Variants in ADAMTS18 observed in about 807,000 individuals in gnomAD.
ADAMTS18 encodes the protein A disintegrin and metalloproteinase with thrombospondin motifs 18.
ADAMTS18 carries 157 observed loss-of-function variants against 165.9 expected under a neutral mutation model. The observed-to-expected ratio is 0.95, with a 90% CI of 0.83 to 1.08. ADAMTS18 has a LOEUF of 1.08. ADAMTS18 is among the 50% of genes least tolerant of loss of function. The pLI is 0.00. For synonymous variants in ADAMTS18, 782 were observed against 578.2 expected (o/e 1.35, Z -5.06); for missense variants, 2,040 against 1,534.0 (o/e 1.33, Z -5.51).
intron 3 of ADAMTS18, among the ~76,000 whole-genome samples, chr16:77,385,748 C>T (rs1200265654): frequency 6.6e-6 from 1 of 152,170 alleles, no homozygotes. Context: ...ACTTCCCAAG[C>T]TCTCCCAGGG....
At chr16:77,396,786 G>C (rs2057262968) in intron 3 of ADAMTS18, among the ~76,000 whole-genome samples, 1 of 150,628 alleles carries the variant, frequency 6.6e-6, no homozygotes, top group African/African-American at 2.4e-5. Context: ...CTAAACAAGT[G>C]CCAGTCTTCA....
At chr16:77,332,713 T>C (rs1039821707) in intron 12 of ADAMTS18, among the ~76,000 whole-genome samples, 2 of 152,088 alleles carry the variant, frequency 1.3e-5, no homozygotes, top group Non-Finnish European at 2.9e-5. Flanking sequence ...TAAAACCACC[T>C]TCATGTGCAC....
At chr16:77,353,643 G>C in intron 10 of ADAMTS18, 90 bp downstream of exon 10, 1 of 1,577,488 alleles carries the variant, frequency 6.3e-7, no homozygotes, top group Non-Finnish European at 8.7e-7. Flanking sequence ...CTAACCCTTG[G>C]CCTTGGCAAA....
intron 6 of ADAMTS18, among the ~76,000 whole-genome samples, chr16:77,363,261 A>C (rs1466779503): frequency 6.6e-6 from 1 of 152,170 alleles, no homozygotes; most frequent in Non-Finnish European, 1.5e-5. Flanking sequence ...TACTGTGATC[A>C]ATCCAAGGAC....
intron 3 of ADAMTS18, among the ~76,000 whole-genome samples, chr16:77,425,750 G>C (rs2057663320): frequency 6.6e-6 from 1 of 152,142 alleles, no homozygotes; most frequent in South Asian, 2.1e-4. Context: ...GGTTCAAAAA[G>C]AGGAGGAGTG....
intron 3 of ADAMTS18, among the ~76,000 whole-genome samples, chr16:77,389,580 C>G (rs1008662252): frequency 1.3e-5 from 2 of 152,112 alleles, no homozygotes; most frequent in Non-Finnish European, 2.9e-5. Context: ...CAGTTTCTTA[C>G]CAGGAAGACC....
intron 3 of ADAMTS18, among the ~76,000 whole-genome samples, chr16:77,389,758 C>T (rs2057160470): frequency 6.6e-6 from 1 of 152,100 alleles, no homozygotes; most frequent in Non-Finnish European, 1.5e-5. Context: ...GAAGGAACTC[C>T]ATGTGAGGGA....
chr16:77,348,624 G>A (rs1382590701), intron 10 of ADAMTS18, among the ~76,000 whole-genome samples: 1 of 152,196 alleles, frequency 6.6e-6, no homozygotes, highest in African/African-American at 2.4e-5. Flanking sequence ...AAGTGGGAGT[G>A]CTAAAACATG....
chr16:77,426,198 T>C (rs1017410526), intron 3 of ADAMTS18, among the ~76,000 whole-genome samples: 2 of 152,224 alleles, frequency 1.3e-5, no homozygotes, highest in Admixed American at 6.5e-5. Flanking sequence ...CCTCTAAATT[T>C]TCCCTAACTT....
At chr16:77,336,439 T>C (rs931772317) in intron 11 of ADAMTS18, among the ~76,000 whole-genome samples, 4 of 152,224 alleles carry the variant, frequency 2.6e-5, no homozygotes, top group Non-Finnish European at 5.9e-5. Context: ...ACATACATTA[T>C]ATTTTTGCTT....
intron 12 of ADAMTS18, among the ~76,000 whole-genome samples, chr16:77,330,760 ATCAT>A (rs2056175504): frequency 6.6e-6 from 1 of 152,246 alleles, no homozygotes; most frequent in Non-Finnish European, 1.5e-5. Context: ...TCAGCCAAGA[ATCAT>A]TCATTTTTCA....
At chr16:77,327,911 A>G (rs925356399) in intron 12 of ADAMTS18, among the ~76,000 whole-genome samples, 8 of 152,166 alleles carry the variant, frequency 5.3e-5, no homozygotes, top group African/African-American at 1.4e-4. Flanking sequence ...GCTCTCCCCA[A>G]TCCAGCTGTC....
chr16:77,337,274 T>G (rs536085797), intron 11 of ADAMTS18, among the ~76,000 whole-genome samples: 18 of 152,324 alleles, frequency 1.2e-4, no homozygotes, highest in African/African-American at 3.8e-4. Context: ...TCACGAGGAC[T>G]CTACTGGACT....
intron 16 of ADAMTS18, among the ~76,000 whole-genome samples, chr16:77,312,068 A>G (rs2055791838): frequency 6.6e-6 from 1 of 152,086 alleles, no homozygotes; most frequent in Non-Finnish European, 1.5e-5. Flanking sequence ...TTATGATTTT[A>G]TTTAGATCTA....
At position 77,291,294 on chromosome 16, in the gene ADAMTS18, G is replaced by A. The variant is rs751275200; in HGVS notation, c.3374C>T (p.Ala1125Val). 6.2e-7 allele frequency: 1 copy of A among 1,614,148 alleles called. No individual in the cohort carries two copies. Among genetic ancestry groups the A allele is most frequent in the South Asian group, 1.1e-5 (1 of 91,086 alleles). Residue 1125 changes from alanine (A) to valine (V), a missense_variant, in exon 21 of 23, where the codon GCT (alanine) becomes GTT (valine). By Grantham distance (64) the Ala-to-Val change is moderately conservative. Coordinates refer to ENST00000282849, the MANE Select transcript of ADAMTS18 (RefSeq NM_199355.4). ...CPAHPVYNMV[A>V]GWYSLPWQQC... Reference sequence around the variant, plus strand: ...CTGCCACGGCAATGAATACCATCCAGCTACCATGTTGTACACTGGATGGGC... The same window carrying A: ...CTGCCACGGCAATGAATACCATCCAACTACCATGTTGTACACTGGATGGGC...
intron 12 of ADAMTS18, among the ~76,000 whole-genome samples, chr16:77,332,412 C>T (rs1230352148): frequency 6.6e-6 from 1 of 152,082 alleles, no homozygotes; most frequent in Non-Finnish European, 1.5e-5. Flanking sequence ...CACACAGATC[C>T]CAGAACCTTT....
chr16:77,323,593 G>A (rs1419968937), intron 13 of ADAMTS18, among the ~76,000 whole-genome samples: 9 of 150,086 alleles, frequency 6.0e-5, no homozygotes, highest in Admixed American at 6.6e-5. Context: ...ATTCCTGGGT[G>A]AGTTTATGAG....
intron 16 of ADAMTS18, among the ~76,000 whole-genome samples, chr16:77,308,508 A>G (rs2055721721): frequency 6.6e-6 from 1 of 151,972 alleles, no homozygotes; most frequent in Admixed American, 6.6e-5. Context: ...AGCATGAACT[A>G]GTAAGATACC....
chr16:77,371,845 G>A (rs1351601679), intron 3 of ADAMTS18, among the ~76,000 whole-genome samples: 1 of 152,032 alleles, frequency 6.6e-6, no homozygotes, highest in Non-Finnish European at 1.5e-5. Context: ...ACCCACAGAT[G>A]GAGAAAATAT....
Sources: gnomAD v4.1 joint callset for allele counts (sites outside exome capture counted in the v4.1 genomes callset) on GRCh38, gnomAD v4.1.1 for gene constraint, MANE v1.5 for transcripts, NCBI Gene and HGNC (gene_info 2026-07-23, HGNC 2026-07-21) for gene names.